DAP: variants seen among roughly 807,000 people sequenced by gnomAD.
DAP encodes the protein death associated protein.
A neutral mutation model predicts 13.8 loss-of-function variants in DAP; 8 were observed. The ratio of observed to expected loss-of-function variants is 0.58; its 90% CI spans 0.34 to 1.05. DAP has a LOEUF of 1.05. Among genes scored for constraint, DAP ranks in the 50% least tolerant of loss-of-function variants. The pLI is 0.03. For synonymous variants in DAP, 47 were observed against 47.5 expected (o/e 0.99, Z 0.04); for missense variants, 106 against 133.2 (o/e 0.80, Z 1.01).
chr5:10,756,988 T>G (rs1345739512), intron 1 of DAP, among the ~76,000 whole-genome samples: 1 of 152,262 alleles, frequency 6.6e-6, no homozygotes, highest in African/African-American at 2.4e-5. Flanking sequence ...AAGGCTGGAT[T>G]ACTTCTACAG....
chr5:10,689,644 G>A (rs1348517396), intron 2 of DAP, among the ~76,000 whole-genome samples: 1 of 152,238 alleles, frequency 6.6e-6, no homozygotes, highest in Non-Finnish European at 1.5e-5. Flanking sequence ...GGCGAGGGGT[G>A]AGGTGAGGCC....
intron 2 of DAP, among the ~76,000 whole-genome samples, chr5:10,690,566 T>C (rs1253402243): frequency 6.6e-6 from 1 of 152,234 alleles, no homozygotes; most frequent in Non-Finnish European, 1.5e-5. Context: ...CTTGTCTTTT[T>C]GTGTCTGGCT....
chr5:10,680,523 G>A lies in DAP; in HGVS notation c.*533C>T, dbSNP rs1180268101. The A allele has an allele frequency of 1.7e-6, 1 of 599,428 alleles. No homozygotes were observed. Among genetic ancestry groups the A allele is most frequent in the African/African-American group, 1.9e-5 (1 of 53,876 alleles). The allele number at this position is 599,428 out of a possible 1,614,324, so 37.1% of individuals were successfully genotyped here. A position where few individuals can be genotyped will look rare whatever the true frequency, so the allele number is the denominator to read the frequency against. The stretch of plus-strand genomic sequence containing the variant: ...ATGGGTGCCTCATCAGCCTGCACAG[G>A]ATCCCCCATCTCACGAGAGAGGGAA... On this transcript the variant is annotated 3_prime_UTR_variant, in exon 4 of 4. Coordinates refer to ENST00000230895, the MANE Select transcript of DAP (RefSeq NM_004394.3).
At position 10,704,231 on chromosome 5, in the gene DAP, C is replaced by T. The variant is rs577934309; in HGVS notation, c.153-20660G>A. On this transcript the variant is annotated intron_variant, in intron 2 of 3. Coordinates refer to ENST00000230895, the MANE Select transcript of DAP (RefSeq NM_004394.3). ...GTGAACAGTTCTGGAGGGGCTTGGG[C>T]AGCACCCCATATTCAAACCCATTAA... is the stretch of plus-strand genomic sequence containing the variant. Among the ~76,000 whole-genome samples, 82 of 152,304 alleles carry T rather than the reference C, an allele frequency of 5.4e-4. 1 individual carries two copies. In the South Asian group the frequency reaches 0.017, roughly 31 times the overall value.
chr5:10,749,425 A>C (rs968548831), intron 1 of DAP, among the ~76,000 whole-genome samples: 1 of 152,116 alleles, frequency 6.6e-6, no homozygotes, highest in Non-Finnish European at 1.5e-5. Flanking sequence ...CATTCCCACC[A>C]GTGTGTGGGT....
chr5:10,699,522 C>G (rs999069650), intron 2 of DAP, among the ~76,000 whole-genome samples: 3 of 152,202 alleles, frequency 2.0e-5, no homozygotes, highest in Admixed American at 1.3e-4. Flanking sequence ...AGCAGGTCAC[C>G]ATGGGTTTCT....
At chr5:10,743,897 A>T (rs1313959669) in intron 2 of DAP, among the ~76,000 whole-genome samples, 1 of 152,238 alleles carries the variant, frequency 6.6e-6, no homozygotes, top group Non-Finnish European at 1.5e-5. Flanking sequence ...CATTTTGGCT[A>T]TATTTTTTTT....
chr5:10,697,568 C>T (rs1446816505), intron 2 of DAP, among the ~76,000 whole-genome samples: 1 of 152,166 alleles, frequency 6.6e-6, no homozygotes, highest in South Asian at 2.1e-4. Flanking sequence ...TCTTCAGGCT[C>T]AAGGGTCATG....
At chr5:10,728,090 C>T (rs1269755532) in intron 2 of DAP, among the ~76,000 whole-genome samples, 1 of 152,070 alleles carries the variant, frequency 6.6e-6, no homozygotes, top group Non-Finnish European at 1.5e-5. Flanking sequence ...CCCACAGATA[C>T]AGAAGGCTGA....
At chr5:10,745,696 T>C (rs1390613876) in intron 2 of DAP, among the ~76,000 whole-genome samples, 2 of 152,254 alleles carry the variant, frequency 1.3e-5, no homozygotes, top group Admixed American at 6.5e-5. Flanking sequence ...TCTCTCATTG[T>C]ATTGACACTG....
chr5:10,731,102 G>A (rs113413941), intron 2 of DAP, among the ~76,000 whole-genome samples: 1 of 65,288 alleles, frequency 1.5e-5, no homozygotes, highest in African/African-American at 6.7e-5. Context: ...AGCCCTGGTG[G>A]GGGGAATCTT....
chr5:10,722,530 GCATATATATA>G (rs1229953388), intron 2 of DAP, among the ~76,000 whole-genome samples: 1 of 146,818 alleles, frequency 6.8e-6, no homozygotes, highest in Non-Finnish European at 1.5e-5. Context: ...ACATATACAT[GCATATATATA>G]CATATATACA....
chr5:10,743,439 G>A (rs1003707350), intron 2 of DAP, among the ~76,000 whole-genome samples: 12 of 152,154 alleles, frequency 7.9e-5, no homozygotes, highest in African/African-American at 2.7e-4. Flanking sequence ...GCTCAGGGAA[G>A]AATTGTTCCT....
rs778618456 is a variant in DAP, at chr5:10,761,042, T to C, written c.27A>G (p.Leu9=). The C allele has an allele frequency of 2.2e-5, 27 of 1,213,852 alleles. No individual in the cohort carries two copies. Among genetic ancestry groups the C allele is most frequent in the Admixed American group, 4.2e-5 (1 of 23,612 alleles). 75.2% of individuals were successfully genotyped at this position (1,213,852 alleles called of 1,614,324 possible). A position where few individuals can be genotyped will look rare whatever the true frequency, so the allele number is the denominator to read the frequency against. Reference sequence around the variant, plus strand: ...CGGGCGGGTGTCCAGCTTTAGTCTCTAGTTTCCCTTCGGGAGGCGAAGACA... The same window carrying C: ...CGGGCGGGTGTCCAGCTTTAGTCTCCAGTTTCCCTTCGGGAGGCGAAGACA... The part of the protein sequence containing the change: MSSPPEGK[L]ETKAGHPPAV... The change falls in exon 1 of 4, where the codon CTA becomes CTG. Residue 9 remains leucine (L), a synonymous_variant. Coordinates refer to ENST00000230895, the MANE Select transcript of DAP (RefSeq NM_004394.3).
chr5:10,700,579 A>C (rs1340132981), intron 2 of DAP, among the ~76,000 whole-genome samples: 4 of 152,092 alleles, frequency 2.6e-5, no homozygotes, highest in Non-Finnish European at 5.9e-5. Flanking sequence ...GGCAGCGTGG[A>C]TGTGTGGGGC....
chr5:10,717,942 G>A (rs893459544), intron 2 of DAP, among the ~76,000 whole-genome samples: 3 of 152,194 alleles, frequency 2.0e-5, no homozygotes, highest in African/African-American at 4.8e-5. Context: ...TAGAAAAACA[G>A]AATCACGGCT....
intron 2 of DAP, among the ~76,000 whole-genome samples, chr5:10,686,461 T>C (rs1375385725): frequency 1.3e-5 from 2 of 152,068 alleles, no homozygotes; most frequent in Non-Finnish European, 2.9e-5. Flanking sequence ...GGAAGAGTTA[T>C]GGGAGAAAAT....
Position 10,683,477 on chromosome 5 carries a change from C to A in DAP, c.195+52G>T, listed in dbSNP as rs1738074221. ...CAAAACCAGAAGCAACCAGGAGACT[C>A]CATGCTGCCATGCAAAAGCCTCAAA... On this transcript the variant is annotated intron_variant, in intron 3 of 3. Coordinates refer to ENST00000230895, the MANE Select transcript of DAP (RefSeq NM_004394.3). The A allele has an allele frequency of 5.1e-6, 8 of 1,562,648 alleles. No individual in the cohort carries two copies. In the African/African-American group the frequency reaches 8.1e-5, roughly 16 times the overall value.
chr5:10,742,262 C>T (rs1394774954), intron 2 of DAP, among the ~76,000 whole-genome samples: 2 of 152,124 alleles, frequency 1.3e-5, no homozygotes, highest in East Asian at 1.9e-4. Flanking sequence ...CGGCCGGGTG[C>T]GGTGGCTCAT....
Sources: allele counts gnomAD v4.1 joint callset (sites outside exome capture counted in the v4.1 genomes callset), GRCh38; gene constraint gnomAD v4.1.1; transcripts MANE v1.5; gene names NCBI Gene and HGNC (gene_info 2026-07-23, HGNC 2026-07-21).